PRPF31: variants seen among roughly 807,000 people sequenced by gnomAD.
PRPF31 encodes the protein pre-mRNA processing factor 31, also known as U4/U6 small nuclear ribonucleoprotein Prp31.
PRPF31 carries 12 observed loss-of-function variants against 60.4 expected under a neutral mutation model. The observed-to-expected ratio is 0.20, with a 90% CI of 0.13 to 0.32. The LOEUF (loss-of-function observed/expected upper bound fraction) is 0.32, where lower values mean the gene tolerates loss of function less well. Among genes scored for constraint, PRPF31 ranks in the 10% least tolerant of loss-of-function variants. The pLI is 1.00. For missense variants in PRPF31, 431 were observed against 687.1 expected (o/e 0.63, Z 4.17); for synonymous variants, 287 against 287.9 (o/e 1.00, Z 0.03).
At chr19:54,122,243 G>T in intron 4 of PRPF31, 2 of 621,294 alleles carry the variant, frequency 3.2e-6, no homozygotes, top group Non-Finnish European at 5.7e-6. Context: ...CATCACCTCC[G>T]CATTCCCACC....
Position 54,121,952 on chromosome 19 carries a change from T to TG in PRPF31, c.322+15dup, listed in dbSNP as rs780710742. The TG allele has an allele frequency of 1.8e-5, 29 of 1,609,254 alleles. No homozygotes were observed. The highest frequency in any genetic ancestry group is 6.6e-5 in the South Asian group (6 of 90,300). ...GATCGAAAACGAGCTGAGTGAGTGC[T>TG]GGGGGGCAGGCGGAGACAGCCCCGT... On this transcript the variant is annotated intron_variant, in intron 4 of 13. Transcript: ENST00000321030.
chr19:54,122,848 G>A (rs1264874481), intron 5 of PRPF31: 2 of 593,456 alleles, frequency 3.4e-6, no homozygotes, highest in Non-Finnish European at 6.0e-6. Context: ...GGTTGGAGCC[G>A]GTGGCATTGG....
At chr19:54,122,644 G>A in intron 5 of PRPF31, 50 bp downstream of exon 5, 1 of 1,483,722 alleles carries the variant, frequency 6.7e-7, no homozygotes. Flanking sequence ...GGGGCAGGCG[G>A]GGCTCACTCT....
chr19:54,131,330 G>A lies in PRPF31; in HGVS notation c.1398G>A (p.Gln466=), dbSNP rs775091054. 1 of 1,614,060 alleles carries A rather than the reference G, an allele frequency of 6.2e-7. No individual in the cohort carries two copies. The highest frequency in any genetic ancestry group is 1.7e-5 in the Admixed American group (1 of 60,028). Residue 466 remains glutamine (Q), a synonymous_variant, in exon 14 of 14, where the codon CAG becomes CAA. Transcript: ENST00000321030. The part of the protein sequence containing the change: ...PLQGLEIVNP[Q]AAEKKVAEAN... ...AGGGCCTGGAGATTGTGAACCCACA[G>A]GCGGCAGAGAAGAAGGTGGCTGAGG...
In PRPF31 at chr19:54,129,264, C is replaced by T. The variant is rs754750414; in HGVS notation, c.1276-8C>T. On this transcript the variant is annotated splice_polypyrimidine_tract_variant and splice_region_variant and intron_variant, in intron 12 of 13. Coordinates refer to ENST00000321030, the MANE Select transcript of PRPF31 (RefSeq NM_015629.4). ...GCCCAGATCGCAGCCTCCCTGTCCT[C>T]CCCACAGCGGACCCTGCAGAAGCAG... 1 of 1,610,360 alleles carries T rather than the reference C, an allele frequency of 6.2e-7. No individual in the cohort carries two copies. The highest frequency in any genetic ancestry group is 1.3e-5 in the African/African-American group (1 of 74,844).
At position 54,124,627 on chromosome 19, in the gene PRPF31, C is replaced by T. The variant is rs1266724825; in HGVS notation, c.826C>T (p.His276Tyr). ...GCTGCCCCACACCGGCTACATCTAC[C>T]ACAGTGACATCGTGCAGTCCCTGCC... is the stretch of plus-strand genomic sequence containing the variant. ...SVLPHTGYIY[H>Y]SDIVQSLPPD... The change falls in exon 8 of 14, where the codon CAC becomes TAC. Residue 276 changes from histidine to tyrosine, a missense_variant. Transcript: ENST00000321030. The T allele has an allele frequency of 6.2e-7, 1 of 1,613,474 alleles. No homozygotes were observed. The highest frequency in any genetic ancestry group is 1.7e-5 in the Admixed American group (1 of 60,012).
chr19:54,129,574 C>T (rs1222522827), intron 13 of PRPF31, among the ~76,000 whole-genome samples: 3 of 146,384 alleles, frequency 2.0e-5, no homozygotes, highest in Non-Finnish European at 4.5e-5. Flanking sequence ...GAGCAGTCCT[C>T]GTGAGCACGC....
At chr19:54,123,615 G>C in intron 6 of PRPF31, 55 bp downstream of exon 6, 1 of 1,608,516 alleles carries the variant, frequency 6.2e-7, no homozygotes, top group Non-Finnish European at 8.5e-7. Flanking sequence ...GATTAGGCTG[G>C]AGCTACACAC....
chr19:54,127,503 C>T (rs1458260195), intron 9 of PRPF31, among the ~76,000 whole-genome samples: 6 of 151,256 alleles, frequency 4.0e-5, no homozygotes, highest in East Asian at 1.9e-4. Flanking sequence ...AACCTCTTCA[C>T]GTCCCTTTTG....
At position 54,123,914 on chromosome 19, in the gene PRPF31, C is replaced by G; in HGVS notation, c.693C>G (p.Ile231Met). Residue 231 changes from isoleucine (I) to methionine (M), a missense_variant, in exon 7 of 14, where the codon ATC becomes ATG. Transcript: ENST00000321030. ...TCGGGGCATCCACGGCCGCCAAGAT[C>G]ATGGGTGAGTCCCCGGGCTGGGTCC... ...IIIGASTAAK[I>M]MGVAGGLTNL... is the part of the protein sequence containing the mutation. 1 of 1,613,748 alleles carries G rather than the reference C, an allele frequency of 6.2e-7. No individual in the cohort carries two copies. Among genetic ancestry groups the G allele is most frequent in the South Asian group, 1.1e-5 (1 of 91,086 alleles).
rs1056681792 is a variant in PRPF31 at position 54,125,277 on chromosome 19, C to T, written c.855+621C>T. ...TGGGAGGCCGAGGCGGGCAGATCACCTGAGGTCAGGTGTTCGAGACCAGCC... is the reference window on the plus strand; with the variant it reads ...TGGGAGGCCGAGGCGGGCAGATCACTTGAGGTCAGGTGTTCGAGACCAGCC... On this transcript the variant is annotated intron_variant, in intron 8 of 13. Coordinates refer to ENST00000321030, the MANE Select transcript of PRPF31 (RefSeq NM_015629.4). 6 of 158,352 alleles carry T rather than the reference C, an allele frequency of 3.8e-5. No homozygotes were observed. The South Asian group carries it at 7.3e-4, about 19-fold the overall frequency. 9.8% of individuals were successfully genotyped at this position (158,352 alleles called of 1,614,324 possible).
intron 13 of PRPF31, 61 bp from the exon 14 acceptor site, chr19:54,131,246 G>A: frequency 2.5e-6 from 4 of 1,603,730 alleles, no homozygotes; most frequent in Middle Eastern, 2.0e-4. Flanking sequence ...GGGCTCTGAT[G>A]GGTCACAGTT....
chr19:54,130,968 G>C (rs2074035923), intron 13 of PRPF31, among the ~76,000 whole-genome samples: 1 of 152,180 alleles, frequency 6.6e-6, no homozygotes, highest in Admixed American at 6.5e-5. Context: ...CAGTGGTGTT[G>C]GTGTGATTTG....
rs765860541 is a variant in PRPF31, at chr19:54,129,325, C to T, written c.1329C>T (p.Asp443=). 1.2e-6 allele frequency: 2 copies of T among 1,606,422 alleles called. No individual in the cohort carries two copies. The highest frequency in any genetic ancestry group is 1.1e-5 in the South Asian group (1 of 90,160). Residue 443 remains aspartate, a synonymous_variant, in exon 13 of 14, where the codon GAC becomes GAT. Transcript: ENST00000321030. ...VVYGGKSTIR[D]RSSGTASSVA... ...ATGGCGGGAAGTCCACCATCCGCGACCGCTCCTCGGGCACGGCCTCCAGCG... is the reference window on the plus strand; with the variant it reads ...ATGGCGGGAAGTCCACCATCCGCGATCGCTCCTCGGGCACGGCCTCCAGCG...
chr19:54,128,455 C>T (rs1400509408), intron 11 of PRPF31, 78 bp downstream of exon 11: 47 of 1,401,032 alleles, frequency 3.4e-5, no homozygotes, highest in Middle Eastern at 4.9e-4. Context: ...CACCGCCCCT[C>T]CTCTCGTCCT....
rs2073691753 is a variant in PRPF31 at position 54,117,981 on chromosome 19, A to C, written c.-8-290A>C. ...ATTTCAAAGTATGTTTTCAAGGCTA[A>C]AGGCAAGAAAGGAATAAGAAAGTTT... On this transcript the variant is annotated intron_variant, in intron 1 of 13. Transcript: ENST00000321030. 4.6e-5 allele frequency among the ~76,000 whole-genome samples: 7 copies of C among 152,348 alleles called. No homozygotes were observed. The South Asian group carries it at 1.4e-3, about 32-fold the overall frequency.
rs752145788 is a variant in PRPF31 at position 54,124,547 on chromosome 19, T to A, written c.746T>A (p.Ile249Asn). The change falls in exon 8 of 14, where the codon ATC (isoleucine) becomes AAC (asparagine). Residue 249 changes from isoleucine (I) to asparagine (N), a missense_variant. Coordinates refer to ENST00000321030, the MANE Select transcript of PRPF31 (RefSeq NM_015629.4). ...TNLSKMPACNIMLLGAQRKTL... is the reference protein window; with the variant it reads ...TNLSKMPACNNMLLGAQRKTL... ...CTCTCCAAGATGCCCGCCTGCAACA[T>A]CATGCTGCTCGGGGCCCAGCGCAAG... 3.7e-6 allele frequency: 6 copies of A among 1,609,420 alleles called. No individual in the cohort carries two copies. The Admixed American group carries it at 8.3e-5, about 22-fold the overall frequency.
chr19:54,122,279 A>C, intron 4 of PRPF31: 1 of 660,204 alleles, frequency 1.5e-6, no homozygotes, highest in Non-Finnish European at 2.7e-6. Context: ...TTCTTTAAGA[A>C]CATGTCACTG....
rs760509641 is a variant in PRPF31, at chr19:54,128,153, G to T, written c.1026G>T (p.Pro342=). 6.4e-7 allele frequency: 1 copy of T among 1,561,492 alleles called. No homozygotes were observed. Among genetic ancestry groups the T allele is most frequent in the Non-Finnish European group, 8.7e-7 (1 of 1,153,708 alleles). ...QEPPPVKQVK[P]LPAPLDGQRK... ...CGCCGCCTGTGAAGCAGGTGAAGCC[G>T]CTGCCTGCGCCCCTGGATGGACAGC... Residue 342 remains proline (P), a synonymous_variant, in exon 10 of 14, where the codon CCG becomes CCT. Coordinates refer to ENST00000321030, the MANE Select transcript of PRPF31 (RefSeq NM_015629.4).
Sources: allele counts gnomAD v4.1 joint callset (sites outside exome capture counted in the v4.1 genomes callset), GRCh38; gene constraint gnomAD v4.1.1; transcripts MANE v1.5; gene names NCBI Gene and HGNC (gene_info 2026-07-23, HGNC 2026-07-21).